Variants in ST6GALNAC3 observed in about 807,000 individuals in gnomAD.
ST6GALNAC3 encodes alpha-N-acetylgalactosaminide alpha-2,6-sialyltransferase 3.
Under a neutral mutation model 32.7 loss-of-function variants are expected in ST6GALNAC3, and 25 were observed. That is an observed-to-expected ratio of 0.76 (90% CI 0.56 to 1.07). ST6GALNAC3 has a LOEUF of 1.07. ST6GALNAC3 is among the 50% of genes least tolerant of loss of function. ST6GALNAC3 has a pLI of 0.00. For missense variants in ST6GALNAC3, 355 were observed against 382.4 expected, an observed-to-expected ratio of 0.93 and a Z score of 0.60; for synonymous variants, 129 against 133.1, an observed-to-expected ratio of 0.97 and a Z score of 0.21.
intron 1 of ST6GALNAC3, among the ~76,000 whole-genome samples, chr1:76,252,105 G>A (rs950093623): frequency 1.3e-5 from 2 of 152,104 alleles, no homozygotes; most frequent in African/African-American, 2.4e-5. Flanking sequence ...AAAACCAAAT[G>A]TGAGGAATTT....
rs183139078 is a variant in ST6GALNAC3 at position 76,154,704 on chromosome 1, G to A, written c.18+79820G>A. 7.2e-5 allele frequency among the ~76,000 whole-genome samples: 11 copies of A among 152,292 alleles called. No homozygotes were observed. In the East Asian group the frequency reaches 2.1e-3, roughly 30 times the overall value. ...AGATGAGGACTTGACTTCCTGGGCT[G>A]ATCTTGCTTATTTTGGGGAGAGCAG... On this transcript the variant is annotated intron_variant, in intron 1 of 4. Transcript: ENST00000328299.
intron 1 of ST6GALNAC3, among the ~76,000 whole-genome samples, chr1:76,143,732 C>A (rs1475577631): frequency 2.6e-5 from 4 of 152,044 alleles, no homozygotes; most frequent in Non-Finnish European, 5.9e-5. Flanking sequence ...AGTGTCGCAC[C>A]AAGCAGATGG....
intron 1 of ST6GALNAC3, among the ~76,000 whole-genome samples, chr1:76,209,470 G>A (rs527260798): frequency 7.2e-5 from 11 of 152,290 alleles, no homozygotes; most frequent in African/African-American, 2.4e-4. Context: ...ATGTAGGACT[G>A]TATCCTCACA....
At chr1:76,397,204 A>G (rs929686454) in intron 2 of ST6GALNAC3, among the ~76,000 whole-genome samples, 1 of 152,116 alleles carries the variant, frequency 6.6e-6, no homozygotes, top group African/African-American at 2.4e-5. Flanking sequence ...CTGTAACTCA[A>G]AGGGTTTAGC....
intron 2 of ST6GALNAC3, among the ~76,000 whole-genome samples, chr1:76,379,531 A>G (rs1651536217): frequency 6.6e-6 from 1 of 152,202 alleles, no homozygotes; most frequent in Non-Finnish European, 1.5e-5. Flanking sequence ...GTAGTTTTCC[A>G]TGGTGGAGAA....
intron 1 of ST6GALNAC3, among the ~76,000 whole-genome samples, chr1:76,135,731 A>G (rs1263435064): frequency 6.6e-6 from 1 of 152,198 alleles, no homozygotes; most frequent in Non-Finnish European, 1.5e-5. Flanking sequence ...TTCTCCTTTC[A>G]GGCAACTTCT....
At chr1:76,544,956 A>G (rs1027215359) in intron 3 of ST6GALNAC3, among the ~76,000 whole-genome samples, 1 of 152,298 alleles carries the variant, frequency 6.6e-6, no homozygotes, top group South Asian at 2.1e-4. Context: ...TAATTTAAGG[A>G]CATTTAGCTG....
At chr1:76,084,013 G>T (rs993824421) in intron 1 of ST6GALNAC3, among the ~76,000 whole-genome samples, 2 of 152,194 alleles carry the variant, frequency 1.3e-5, no homozygotes, top group Non-Finnish European at 2.9e-5. Context: ...TTAAAAATGT[G>T]GTTTGTTGGT....
At chr1:76,498,147 G>A (rs1660969183) in intron 3 of ST6GALNAC3, among the ~76,000 whole-genome samples, 1 of 152,190 alleles carries the variant, frequency 6.6e-6, no homozygotes, top group African/African-American at 2.4e-5. Flanking sequence ...AGAACTCTGA[G>A]CAGAATCCTG....
intron 1 of ST6GALNAC3, among the ~76,000 whole-genome samples, chr1:76,244,261 T>A (rs1484569829): frequency 6.6e-6 from 1 of 152,148 alleles, no homozygotes; most frequent in Non-Finnish European, 1.5e-5. Flanking sequence ...TTATTGTTGG[T>A]GTATAGGAAT....
At chr1:76,500,527 A>G (rs985040546) in intron 3 of ST6GALNAC3, among the ~76,000 whole-genome samples, 3 of 152,178 alleles carry the variant, frequency 2.0e-5, no homozygotes, top group East Asian at 1.9e-4. Flanking sequence ...TGTTTTTACA[A>G]TTTTAAGCTT....
intron 3 of ST6GALNAC3, among the ~76,000 whole-genome samples, chr1:76,513,092 C>G (rs896727780): frequency 8.5e-5 from 13 of 152,054 alleles, no homozygotes; most frequent in Middle Eastern, 3.4e-3. Context: ...TGTCTCTTCT[C>G]TTTGTTAATT....
At chr1:76,143,527 G>A (rs1650477802) in intron 1 of ST6GALNAC3, among the ~76,000 whole-genome samples, 1 of 151,924 alleles carries the variant, frequency 6.6e-6, no homozygotes, top group African/African-American at 2.4e-5. Flanking sequence ...CTGATAAAAG[G>A]TTATATACTG....
At chr1:76,501,519 TTG>T (rs1661175569) in intron 3 of ST6GALNAC3, among the ~76,000 whole-genome samples, 1 of 152,104 alleles carries the variant, frequency 6.6e-6, no homozygotes, top group East Asian at 1.9e-4. Context: ...GGAGGTCAGT[TTG>T]TGGAAAATGA....
intron 2 of ST6GALNAC3, among the ~76,000 whole-genome samples, chr1:76,371,516 G>A (rs1349504519): frequency 1.3e-5 from 2 of 152,180 alleles, no homozygotes; most frequent in South Asian, 2.1e-4. Flanking sequence ...AAAGCAATTG[G>A]TTCAGTTTAG....
rs12137521 is a variant in ST6GALNAC3 at position 76,525,749 on chromosome 1, G to A, written c.624-101703G>A. Among the ~76,000 whole-genome samples, 5 of 114,268 alleles carry A rather than the reference G, an allele frequency of 4.4e-5. No homozygotes were observed. The South Asian group carries it at 1.1e-3, about 24-fold the overall frequency. 75.0% of individuals were successfully genotyped at this position (114,268 alleles called of 152,430 possible). On this transcript the variant is annotated intron_variant, in intron 3 of 4. Transcript: ENST00000328299. ...TGTGTGTGTATATGTATATATATAT[G>A]TGTATATATGTGTATGTGTGTTTGT...
chr1:76,083,690 ATG>A (rs558782357), intron 1 of ST6GALNAC3, among the ~76,000 whole-genome samples: 2 of 152,362 alleles, frequency 1.3e-5, no homozygotes, highest in South Asian at 4.1e-4. Flanking sequence ...GAATTTAATA[ATG>A]TGTTTTATTT....
At position 76,112,826 on chromosome 1, in the gene ST6GALNAC3, G is replaced by A. The variant is rs1396115495; in HGVS notation, c.18+37942G>A. Among the ~76,000 whole-genome samples, 7 of 151,288 alleles carry A rather than the reference G, an allele frequency of 4.6e-5. No homozygotes were observed. The South Asian group carries it at 8.4e-4, about 18-fold the overall frequency. On this transcript the variant is annotated intron_variant, in intron 1 of 4. Transcript: ENST00000328299. ...CTCACTTCCTAGATGGGTTGGTGGCGGGGCAGAGACGCTCCTCACTTTCCA... is the reference window on the plus strand; with the variant it reads ...CTCACTTCCTAGATGGGTTGGTGGCAGGGCAGAGACGCTCCTCACTTTCCA...
intron 3 of ST6GALNAC3, among the ~76,000 whole-genome samples, chr1:76,530,303 C>T (rs1216744671): frequency 6.6e-6 from 1 of 152,118 alleles, no homozygotes; most frequent in African/African-American, 2.4e-5. Context: ...ACTTCTTAAC[C>T]TAAGGCAAAC....
Sources: gnomAD v4.1 joint callset for allele counts (sites outside exome capture counted in the v4.1 genomes callset) on GRCh38, gnomAD v4.1.1 for gene constraint, MANE v1.5 for transcripts, NCBI Gene and HGNC (gene_info 2026-07-23, HGNC 2026-07-21) for gene names.